Variants in TEX9 observed in about 807,000 individuals in gnomAD.
The protein encoded by TEX9 is testis-expressed protein 9.
TEX9 carries 74 observed loss-of-function variants against 59.6 expected under a neutral mutation model. The ratio of observed to expected loss-of-function variants is 1.24; its 90% CI spans 1.03 to 1.51. TEX9 has a LOEUF of 1.51. Ranked by LOEUF, TEX9 falls within the 40% of genes most tolerant of loss-of-function variation. TEX9 has a pLI of 0.00. For synonymous variants in TEX9, 186 were observed against 152.2 expected, an observed-to-expected ratio of 1.22 and a Z score of -1.64; for missense variants, 522 against 447.8, an observed-to-expected ratio of 1.17 and a Z score of -1.49.
Position 56,248,282 on chromosome 15 carries a change from G to A in TEX9, c.-107+4004G>A, listed in dbSNP as rs57980834. Among the ~76,000 whole-genome samples, 1,087 of 152,348 alleles carry A rather than the reference G, an allele frequency of 7.1e-3. 11 individuals are homozygous for A. The highest frequency in any genetic ancestry group is 0.025 in the African/African-American group (1,054 of 41,572). The stretch of plus-strand genomic sequence containing the variant: ...TGTTCTCAATACCAAGAGTGCTAAT[G>A]TAAGTATGCTGTGAAAATGTGAATT... On this transcript the variant is annotated intron_variant, in intron 1 of 5. Transcript: ENST00000560827.
At chr15:56,366,490 C>T (rs534023679) in intron 2 of TEX9, among the ~76,000 whole-genome samples, 47 of 152,302 alleles carry the variant, frequency 3.1e-4, no homozygotes, top group African/African-American at 1.1e-3. Flanking sequence ...CTTGACCATG[C>T]TAAGTAGGCT....
chr15:56,423,603 A>G (rs1044603186), intron 10 of TEX9, among the ~76,000 whole-genome samples: 1 of 152,166 alleles, frequency 6.6e-6, no homozygotes, highest in Admixed American at 6.5e-5. Flanking sequence ...AAGTTGTGCA[A>G]CCATCACCAC....
intron 12 of TEX9, chr15:56,444,577 CT>C (rs1311435773): frequency 6.2e-7 from 1 of 1,612,648 alleles, no homozygotes; most frequent in Non-Finnish European, 8.5e-7. Context: ...TAGTACTGTG[CT>C]TTCGCTTTGT....
chr15:56,276,884 T>C (rs958032533), intron 1 of TEX9, among the ~76,000 whole-genome samples: 1 of 152,182 alleles, frequency 6.6e-6, no homozygotes, highest in Non-Finnish European at 1.5e-5. Context: ...TGGTATTTCA[T>C]TGTGGTTTTG....
At chr15:56,305,910 C>G (rs1223987483) in intron 1 of TEX9, among the ~76,000 whole-genome samples, 1 of 151,926 alleles carries the variant, frequency 6.6e-6, no homozygotes, top group Non-Finnish European at 1.5e-5. Context: ...ATAAGAAGGT[C>G]AAATAACTCA....
intron 1 of TEX9, among the ~76,000 whole-genome samples, chr15:56,266,067 T>A (rs1252627704): frequency 1.3e-5 from 2 of 152,194 alleles, no homozygotes; most frequent in East Asian, 3.8e-4. Context: ...TTGTTAGATG[T>A]GTGATTATTA....
rs1387779371 is a variant in TEX9, at chr15:56,370,503, T to A, written c.120-2938T>A. ...TGTTACTTTGCATTTATTCTTCAAT[T>A]ACAGTTTATCTGAATGTAATTCTAG... On this transcript the variant is annotated intron_variant, in intron 2 of 12. Coordinates refer to ENST00000352903, the Ensembl canonical transcript of TEX9. 3.3e-5 allele frequency among the ~76,000 whole-genome samples: 5 copies of A among 152,206 alleles called. No individual in the cohort carries two copies. The East Asian group carries it at 9.6e-4, about 29-fold the overall frequency.
intron 10 of TEX9, among the ~76,000 whole-genome samples, chr15:56,419,609 T>C (rs1243969452): frequency 6.6e-6 from 1 of 151,896 alleles, no homozygotes; most frequent in African/African-American, 2.4e-5. Flanking sequence ...TGTCATTATC[T>C]CTTTTATATA....
chr15:56,384,746 G>A (rs562815460), intron 4 of TEX9, among the ~76,000 whole-genome samples: 1 of 152,258 alleles, frequency 6.6e-6, no homozygotes, highest in African/African-American at 2.4e-5. Flanking sequence ...ATTATGTAGT[G>A]GCAATGAATT....
intron 1 of TEX9, among the ~76,000 whole-genome samples, chr15:56,272,190 T>G (rs1596057156): frequency 6.6e-6 from 1 of 152,118 alleles, no homozygotes; most frequent in South Asian, 2.1e-4. Context: ...CTATTCACAG[T>G]GTTGTACAGC....
At chr15:56,341,595 C>T (rs1520532) in intron 1 of TEX9, among the ~76,000 whole-genome samples, 46,833 of 151,538 alleles carry the variant, frequency 0.31, 7,947 homozygotes, top group Middle Eastern at 0.48. Context: ...GAGTGTACTT[C>T]AGGGGAAACC....
intron 1 of TEX9, among the ~76,000 whole-genome samples, chr15:56,319,583 A>T (rs1233598728): frequency 6.6e-6 from 1 of 152,074 alleles, no homozygotes; most frequent in Non-Finnish European, 1.5e-5. Flanking sequence ...TTCAGTTTTA[A>T]TGTTGAAACT....
chr15:56,353,400 A>G (rs962913303), intron 1 of TEX9, among the ~76,000 whole-genome samples: 4 of 152,182 alleles, frequency 2.6e-5, no homozygotes, highest in Non-Finnish European at 4.4e-5. Flanking sequence ...ACAAAACCAC[A>G]ATTTCTGATA....
In TEX9 at chr15:56,290,438, C is replaced by G. The variant is rs145227541; in HGVS notation, c.-107+46160C>G. Among the ~76,000 whole-genome samples the G allele has an allele frequency of 2.0e-3, 297 of 152,048 alleles. 2 individuals are homozygous for G. The highest frequency in any genetic ancestry group is 6.8e-3 in the African/African-American group (280 of 41,406). Reference sequence around the variant, plus strand: ...GGTGTCTCAGGTATGTTGATTTCATCAGCAAGCCCTGCCCCCCCCAGTTTT... The same window carrying G: ...GGTGTCTCAGGTATGTTGATTTCATGAGCAAGCCCTGCCCCCCCCAGTTTT... On this transcript the variant is annotated intron_variant, in intron 1 of 5. Coordinates refer to the TEX9 transcript ENST00000560827.
At chr15:56,399,364 A>G (rs1363707744) in intron 9 of TEX9, among the ~76,000 whole-genome samples, 1 of 152,226 alleles carries the variant, frequency 6.6e-6, no homozygotes, top group Non-Finnish European at 1.5e-5. Context: ...CTGCTAGTGC[A>G]GCAGTCTGAG....
chr15:56,282,686 G>A (rs1009813287), intron 1 of TEX9, among the ~76,000 whole-genome samples: 2 of 152,168 alleles, frequency 1.3e-5, no homozygotes, highest in Admixed American at 1.3e-4. Flanking sequence ...AATAATACCT[G>A]AAGGGTGGTT....
chr15:56,435,360 A>T (rs1418914090), intron 12 of TEX9, among the ~76,000 whole-genome samples: 1 of 151,990 alleles, frequency 6.6e-6, no homozygotes, highest in East Asian at 1.9e-4. Context: ...AAAATAGACA[A>T]TTATTGGTGA....
At chr15:56,301,431 A>G (rs1457991207) in intron 1 of TEX9, among the ~76,000 whole-genome samples, 1 of 152,192 alleles carries the variant, frequency 6.6e-6, no homozygotes, top group Admixed American at 6.5e-5. Flanking sequence ...ATATTCAAGT[A>G]TAAGAAGGTT....
chr15:56,460,009 A>AAAAAAAAT, the TEX9 span, among the ~76,000 whole-genome samples: 94 of 26,372 alleles, frequency 3.6e-3, 12 homozygotes, highest in Middle Eastern at 0.017. Context: ...AAAAAAAAAA[A>AAAAAAAAT]ATACATATAT....
Sources: gnomAD v4.1 joint callset for allele counts (sites outside exome capture counted in the v4.1 genomes callset) on GRCh38, gnomAD v4.1.1 for gene constraint, MANE v1.5 for transcripts, NCBI Gene and HGNC (gene_info 2026-07-23, HGNC 2026-07-21) for gene names.